The following CLCC1 variants were observed in gnomAD, a reference collection of about 807,000 sequenced individuals.
CLCC1 encodes chloride channel CLIC like 1, also known as chloride channel CLIC-like protein 1.
CLCC1 carries 39 observed loss-of-function variants against 63.3 expected under a neutral mutation model. The ratio of observed to expected loss-of-function variants is 0.62; its 90% CI spans 0.48 to 0.81. CLCC1 has a LOEUF of 0.81. Ranked by LOEUF, CLCC1 falls within the 30% of genes least tolerant of loss-of-function variation. The pLI is 0.00. For synonymous variants in CLCC1, 217 were observed against 239.8 expected (o/e 0.90, Z 0.88); for missense variants, 549 against 669.4 (o/e 0.82, Z 1.98).
intron 2 of CLCC1, among the ~76,000 whole-genome samples, chr1:108,961,982 C>A (rs532881405): frequency 2.6e-5 from 4 of 152,290 alleles, no homozygotes; most frequent in East Asian, 1.9e-4. Flanking sequence ...ACAGATCACA[C>A]AAAGTAACTT....
At chr1:108,950,252 T>C in intron 3 of CLCC1, 57 bp downstream of exon 3, 1 of 1,550,654 alleles carries the variant, frequency 6.4e-7, no homozygotes. Flanking sequence ...AGAGCTAGAC[T>C]GTTTCCATCA....
Position 108,950,515 on chromosome 1 carries a change from A to T in CLCC1, c.-11-67T>A, listed in dbSNP as rs188758744. 1,111 of 655,934 alleles carry T rather than the reference A, an allele frequency of 1.7e-3. 14 individuals are homozygous for T. The African/African-American group carries it at 0.02, about 12-fold the overall frequency. The allele number at this position is 655,934 out of a possible 1,614,324, so 40.6% of individuals were successfully genotyped here. The stretch of plus-strand genomic sequence containing the variant: ...TTTTAAATAAATTGGGTTTTGGGTT[A>T]TTATTATTATTATTATTATTTTTAG... On this transcript the variant is annotated intron_variant, in intron 2 of 12. Transcript: ENST00000369969.
At chr1:108,942,484 A>G (rs1467292674) in intron 7 of CLCC1, among the ~76,000 whole-genome samples, 36 of 152,358 alleles carry the variant, frequency 2.4e-4, no homozygotes, top group Non-Finnish European at 1.5e-5. Context: ...AAATGTCACA[A>G]TGCTTTAACC....
At position 108,941,390 on chromosome 1, in the gene CLCC1, G is replaced by A. The variant is rs1653819547; in HGVS notation, c.796+15C>T. The A allele has an allele frequency of 2.5e-6, 4 of 1,603,004 alleles. No homozygotes were observed. Among genetic ancestry groups the A allele is most frequent in the South Asian group, 1.1e-5 (1 of 90,316 alleles). On this transcript the variant is annotated intron_variant, in intron 8 of 12. Coordinates refer to ENST00000369969, the MANE Select transcript of CLCC1 (RefSeq NM_001377458.1). ...ATTTCTATTCAAAATAAGGACAAGTGCACAAACACCTTACCCCAGATACTT... is the reference window on the plus strand; with the variant it reads ...ATTTCTATTCAAAATAAGGACAAGTACACAAACACCTTACCCCAGATACTT...
intron 8 of CLCC1, among the ~76,000 whole-genome samples, chr1:108,941,180 G>A (rs542941746): frequency 2.0e-5 from 3 of 152,318 alleles, no homozygotes; most frequent in African/African-American, 4.8e-5. Flanking sequence ...AAGGAAGACA[G>A]ATAATATCAG....
chr1:108,950,235 A>T, intron 3 of CLCC1, 74 bp downstream of exon 3: 1 of 1,449,198 alleles, frequency 6.9e-7, no homozygotes, highest in Non-Finnish European at 9.4e-7. Flanking sequence ...GCTCTGTGCA[A>T]AACAACAGAG....
rs559927579 is a variant in CLCC1 at position 108,952,321 on chromosome 1, G to A, written c.-11-1873C>T. On this transcript the variant is annotated intron_variant, in intron 2 of 12. Transcript: ENST00000369969. ...AGCCTCCCAAGTGGCTGGAATTACA[G>A]GCATGGGCCACCATACTTGGCTAAT... 5.3e-5 allele frequency among the ~76,000 whole-genome samples: 8 copies of A among 152,244 alleles called. No homozygotes were observed. The South Asian group carries it at 1.7e-3, about 32-fold the overall frequency.
chr1:108,934,981 A>T, intron 11 of CLCC1, 39 bp from the exon 12 acceptor site: 1 of 1,542,148 alleles, frequency 6.5e-7, no homozygotes, highest in Non-Finnish European at 8.8e-7. Flanking sequence ...GTTTAATGTA[A>T]TGTGAAGTCT....
At chr1:108,952,088 C>T (rs534297513) in intron 2 of CLCC1, among the ~76,000 whole-genome samples, 1 of 151,142 alleles carries the variant, frequency 6.6e-6, no homozygotes, top group South Asian at 2.1e-4. Flanking sequence ...GAACTGGACA[C>T]TTTAAATGGG....
intron 7 of CLCC1, 147 bp downstream of exon 7, chr1:108,943,328 T>A (rs1286877080): frequency 1.3e-6 from 1 of 744,092 alleles, no homozygotes; most frequent in Non-Finnish European, 2.3e-6. Context: ...AGCTAAGAAG[T>A]GTCCATTTAA....
chr1:108,943,096 G>A (rs1433907260), intron 7 of CLCC1, among the ~76,000 whole-genome samples: 1 of 152,070 alleles, frequency 6.6e-6, no homozygotes, highest in African/African-American at 2.4e-5. Context: ...TTTTAGTAGA[G>A]ACAGGGTTTC....
In CLCC1 at chr1:108,949,804, C is replaced by A; in HGVS notation, c.231+16G>T. 2.3e-6 allele frequency: 3 copies of A among 1,304,260 alleles called. No homozygotes were observed. Among genetic ancestry groups the A allele is most frequent in the South Asian group, 1.4e-5 (1 of 70,272 alleles). The allele number at this position is 1,304,260 out of a possible 1,614,324, so 80.8% of individuals were successfully genotyped here. A position where few individuals can be genotyped will look rare whatever the true frequency, so the allele number is the denominator to read the frequency against. On this transcript the variant is annotated intron_variant, in intron 4 of 12. Coordinates refer to ENST00000369969, the MANE Select transcript of CLCC1 (RefSeq NM_001377458.1). ...CATAATATAAAAATATAAAATTTAT[C>A]AATAAAAAAACTAACCTTATAAGTT...
In CLCC1 at chr1:108,937,159, G is replaced by C; in HGVS notation, c.1301C>G (p.Thr434Ser). 3 of 1,578,924 alleles carry C rather than the reference G, an allele frequency of 1.9e-6. No homozygotes were observed. Among genetic ancestry groups the C allele is most frequent in the Non-Finnish European group, 2.6e-6 (3 of 1,163,528 alleles). Reference sequence around the variant, plus strand: ...GAGCACTTCAGGGCTCTTGTTGCCAGTCTGAAATCTCAAGTCAACATCTCT... The same window carrying C: ...GAGCACTTCAGGGCTCTTGTTGCCACTCTGAAATCTCAAGTCAACATCTCT... ...RERDVDLRFQ[T>S]GNKSPEVLRA... Residue 434 changes from threonine to serine, a missense_variant, in exon 11 of 13, where the codon ACT (threonine) becomes AGT (serine). Physicochemically the swap from Thr to Ser is moderately conservative, Grantham distance 58 (BLOSUM62 1). Transcript: ENST00000369969.
intron 2 of CLCC1, among the ~76,000 whole-genome samples, chr1:108,961,034 T>C (rs12403481): frequency 0.032 from 4,886 of 152,238 alleles, 107 homozygotes; most frequent in Middle Eastern, 0.058. Context: ...AGTCGTACTA[T>C]TGGCAACTAT....
intron 2 of CLCC1, among the ~76,000 whole-genome samples, chr1:108,959,950 G>A (rs140242670): frequency 6.6e-6 from 1 of 152,100 alleles, no homozygotes; most frequent in Non-Finnish European, 1.5e-5. Context: ...GGCAACTTAG[G>A]GAGATTCCAT....
At chr1:108,941,627 TAAAA>T in intron 7 of CLCC1, 129 bp from the exon 8 acceptor site, 1 of 485,832 alleles carries the variant, frequency 2.1e-6, no homozygotes, top group Non-Finnish European at 3.5e-6. Context: ...AATTTTTAAT[TAAAA>T]AAAAACATAT....
In CLCC1 at chr1:108,950,454, A is replaced by G; in HGVS notation, c.-11-6T>C. The G allele has an allele frequency of 6.7e-7, 1 of 1,502,176 alleles. No individual in the cohort carries two copies. Among genetic ancestry groups the G allele is most frequent in the Non-Finnish European group, 8.9e-7 (1 of 1,118,964 alleles). The allele number at this position is 1,502,176 out of a possible 1,614,324, so 93.1% of individuals were successfully genotyped here. A position where few individuals can be genotyped will look rare whatever the true frequency, so the allele number is the denominator to read the frequency against. The stretch of plus-strand genomic sequence containing the variant: ...ACACAGCATCCTGTATAAGGCTAAA[A>G]CAATTTTTAATATATATAATGAAAT... On this transcript the variant is annotated splice_region_variant and splice_polypyrimidine_tract_variant and intron_variant, in intron 2 of 12. Transcript: ENST00000369969.
chr1:108,949,980 T>G, intron 3 of CLCC1, 59 bp from the exon 4 acceptor site: 1 of 1,053,764 alleles, frequency 9.5e-7, no homozygotes, highest in Non-Finnish European at 1.4e-6. Flanking sequence ...AAATAGCCTT[T>G]GGTTAATGAA....
At chr1:108,945,393 C>CA (rs373586078) in intron 5 of CLCC1, among the ~76,000 whole-genome samples, 1 of 152,120 alleles carries the variant, frequency 6.6e-6, no homozygotes, top group Admixed American at 6.6e-5. Flanking sequence ...AAATAGACCA[C>CA]AAAAAAAGAC....
Sources: allele counts gnomAD v4.1 joint callset (sites outside exome capture counted in the v4.1 genomes callset), GRCh38; gene constraint gnomAD v4.1.1; transcripts MANE v1.5; gene names NCBI Gene and HGNC (gene_info 2026-07-23, HGNC 2026-07-21).